The following SOX5 variants were observed in gnomAD, a reference collection of about 807,000 sequenced individuals.
SOX5 encodes transcription factor SOX-5.
A neutral mutation model predicts 92.0 loss-of-function variants in SOX5; 9 were observed. That is an observed-to-expected ratio of 0.10 (90% CI 0.06 to 0.17). SOX5 has a LOEUF of 0.17. SOX5 is among the 10% of genes least tolerant of loss of function. The pLI is 1.00. For synonymous variants in SOX5, 344 were observed against 336.3 expected (o/e 1.02, Z -0.25); for missense variants, 642 against 944.5 (o/e 0.68, Z 4.20).
chr12:23,578,144 A>AAAAAAAAAG (rs1432589481), intron 9 of SOX5, among the ~76,000 whole-genome samples: 1 of 134,908 alleles, frequency 7.4e-6, no homozygotes, highest in Non-Finnish European at 1.6e-5. Flanking sequence ...AAAAAAAAAA[A>AAAAAAAAAG]AAAAAACTAT....
chr12:23,838,129 A>G lies in SOX5; in HGVS notation c.481+7854T>C, dbSNP rs886977074. 1.3e-4 allele frequency among the ~76,000 whole-genome samples: 18 copies of G among 141,260 alleles called. No homozygotes were observed. The East Asian group carries it at 3.7e-3, about 29-fold the overall frequency. 92.7% of individuals were successfully genotyped at this position (141,260 alleles called of 152,430 possible). A position where few individuals can be genotyped will look rare whatever the true frequency, so the allele number is the denominator to read the frequency against. ...CTATATATTTATATTTATACAACAT[A>G]TATTTATATTACATATATTTATATT... On this transcript the variant is annotated intron_variant, in intron 3 of 14. Transcript: ENST00000451604.
intron 3 of SOX5, among the ~76,000 whole-genome samples, chr12:24,269,176 G>GA (rs1197953741): frequency 1.3e-5 from 2 of 152,062 alleles, no homozygotes; most frequent in Non-Finnish European, 2.9e-5. Context: ...GTGACTGAGG[G>GA]AAAAAAGTGA....
At chr12:24,434,329 G>C (rs1433783235) in intron 1 of SOX5, among the ~76,000 whole-genome samples, 1 of 152,148 alleles carries the variant, frequency 6.6e-6, no homozygotes, top group African/African-American at 2.4e-5. Flanking sequence ...AATTTGTTTT[G>C]AGCTTTGTAA....
At chr12:23,593,320 C>A (rs10842188) in intron 9 of SOX5, among the ~76,000 whole-genome samples, 4 of 151,934 alleles carry the variant, frequency 2.6e-5, no homozygotes, top group Admixed American at 1.3e-4. Context: ...TCAAGTCATA[C>A]AATTTCTGGT....
intron 2 of SOX5, among the ~76,000 whole-genome samples, chr12:23,888,160 T>C (rs1424927835): frequency 6.6e-6 from 1 of 152,150 alleles, no homozygotes; most frequent in Non-Finnish European, 1.5e-5. Context: ...CTAGTTCTTA[T>C]TCATTTCTAT....
intron 11 of SOX5, among the ~76,000 whole-genome samples, chr12:23,550,184 A>G (rs903718282): frequency 1.3e-5 from 2 of 151,922 alleles, no homozygotes; most frequent in Admixed American, 1.3e-4. Context: ...GTCAGTATCA[A>G]TTCATACTTC....
intron 4 of SOX5, among the ~76,000 whole-genome samples, chr12:24,141,954 A>C (rs1280004297): frequency 6.6e-6 from 1 of 151,986 alleles, no homozygotes; most frequent in Non-Finnish European, 1.5e-5. Context: ...CTATAAGGTA[A>C]GGTAAGCCTT....
At chr12:23,731,579 G>A (rs10505904) in intron 6 of SOX5, among the ~76,000 whole-genome samples, 22,240 of 151,916 alleles carry the variant, frequency 0.15, 2,050 homozygotes, top group Admixed American at 0.23. Flanking sequence ...TTCTCCTTTA[G>A]CAAGATCTCA....
chr12:23,586,122 C>T (rs530028678), intron 9 of SOX5, among the ~76,000 whole-genome samples: 2 of 152,170 alleles, frequency 1.3e-5, no homozygotes, highest in East Asian at 1.9e-4. Context: ...TTAAACTTTA[C>T]GCTCTTAAAC....
intron 7 of SOX5, among the ~76,000 whole-genome samples, chr12:23,641,761 C>T (rs567433800): frequency 1.5e-3 from 236 of 152,272 alleles, no homozygotes; most frequent in Middle Eastern, 3.4e-3. Context: ...CATTATTTGT[C>T]ATCTGACACA....
intron 3 of SOX5, among the ~76,000 whole-genome samples, chr12:24,249,101 A>T (rs1353538952): frequency 6.6e-6 from 1 of 152,250 alleles, no homozygotes; most frequent in East Asian, 1.9e-4. Context: ...ATCCTGAAGC[A>T]GTCATTTCAC....
At chr12:24,463,497 A>G (rs1225867297) in intron 1 of SOX5, among the ~76,000 whole-genome samples, 1 of 152,226 alleles carries the variant, frequency 6.6e-6, no homozygotes, top group Non-Finnish European at 1.5e-5. Context: ...ATACAGTTTG[A>G]CAGCCCAGTT....
intron 2 of SOX5, among the ~76,000 whole-genome samples, chr12:24,323,492 A>G (rs1314655475): frequency 6.6e-6 from 1 of 152,034 alleles, no homozygotes; most frequent in East Asian, 1.9e-4. Flanking sequence ...TCAAACAAAA[A>G]AAGCAGCTTT....
At chr12:23,648,766 A>T (rs961258348) in intron 7 of SOX5, among the ~76,000 whole-genome samples, 3 of 152,184 alleles carry the variant, frequency 2.0e-5, no homozygotes, top group African/African-American at 7.2e-5. Context: ...TAGCAGCCAT[A>T]ACAAACTCAT....
At chr12:24,349,379 T>A (rs181235516) in intron 2 of SOX5, among the ~76,000 whole-genome samples, 4 of 152,334 alleles carry the variant, frequency 2.6e-5, no homozygotes, top group East Asian at 3.9e-4. Flanking sequence ...TCTCCAGAAC[T>A]TTTTCATCCT....
At chr12:24,216,280 A>G (rs953604388) in intron 3 of SOX5, among the ~76,000 whole-genome samples, 2 of 151,148 alleles carry the variant, frequency 1.3e-5, no homozygotes, top group Non-Finnish European at 3.0e-5. Context: ...TCAGGAGATC[A>G]AGACCATCCT....
At chr12:24,380,263 T>C (rs1484453159) in intron 1 of SOX5, among the ~76,000 whole-genome samples, 2 of 152,234 alleles carry the variant, frequency 1.3e-5, no homozygotes, top group African/African-American at 4.8e-5. Flanking sequence ...GCCAAGCTCA[T>C]TGTTTACCAA....
At chr12:23,645,507 C>A (rs1379136979) in intron 7 of SOX5, among the ~76,000 whole-genome samples, 2 of 152,148 alleles carry the variant, frequency 1.3e-5, no homozygotes, top group Admixed American at 1.3e-4. Context: ...TAAAGATCAC[C>A]TGGTTCTCCA....
chr12:23,895,650 G>A, intron 2 of SOX5, 143 bp downstream of exon 2: 1 of 633,116 alleles, frequency 1.6e-6, no homozygotes, highest in Non-Finnish European at 2.8e-6. Flanking sequence ...CAAATTTAAA[G>A]AATTCTAAGA....
Sources: gnomAD v4.1 joint callset for allele counts (sites outside exome capture counted in the v4.1 genomes callset) on GRCh38, gnomAD v4.1.1 for gene constraint, MANE v1.5 for transcripts, NCBI Gene and HGNC (gene_info 2026-07-23, HGNC 2026-07-21) for gene names.